The following PCDH15 variants were observed in gnomAD, a reference collection of about 807,000 sequenced individuals.
PCDH15 encodes the protein protocadherin-15.
Under a neutral mutation model 178.5 loss-of-function variants are expected in PCDH15, and 129 were observed. The ratio of observed to expected loss-of-function variants is 0.72; its 90% confidence interval spans 0.63 to 0.84. The LOEUF (loss-of-function observed/expected upper bound fraction) is 0.84, where lower values mean the gene tolerates loss of function less well. Among genes scored for constraint, PCDH15 ranks in the 40% least tolerant of loss-of-function variants. The probability of loss-of-function intolerance (pLI) is 0.00; values close to 1 mark genes in which losing one functional copy is unlikely to be tolerated. For missense variants in PCDH15, 2,230 were observed against 2,099.9 expected, an observed-to-expected ratio of 1.06 and a Z score of -1.21; for synonymous variants, 800 against 732.0, an observed-to-expected ratio of 1.09 and a Z score of -1.50.
At chr10:53,832,371 C>T (rs1204076523) in intron 29 of PCDH15, among the ~76,000 whole-genome samples, 2 of 151,828 alleles carry the variant, frequency 1.3e-5, no homozygotes, top group Non-Finnish European at 2.9e-5. Context: ...TAAACAATTC[C>T]TTGGGAACTT....
chr10:54,962,558 G>C (rs551848846), intron 2 of PCDH15, among the ~76,000 whole-genome samples: 35 of 152,096 alleles, frequency 2.3e-4, no homozygotes, highest in Non-Finnish European at 4.4e-4. Flanking sequence ...CAAGATTTTG[G>C]GTACCACAGT....
intron 1 of PCDH15, among the ~76,000 whole-genome samples, chr10:54,726,419 G>GGT (rs72051103): frequency 0.14 from 2,659 of 19,390 alleles, 76 homozygotes; most frequent in East Asian, 0.31. Context: ...ACCCATCAGG[G>GGT]GTGTGTGTGT....
intron 2 of PCDH15, among the ~76,000 whole-genome samples, chr10:54,578,474 A>G (rs926743506): frequency 1.4e-4 from 21 of 152,042 alleles, no homozygotes; most frequent in Admixed American, 1.4e-3. Context: ...TTTTGTAAGA[A>G]CTCATCTCCT....
chr10:54,210,392 G>A (rs889198384), intron 10 of PCDH15, among the ~76,000 whole-genome samples: 1 of 152,026 alleles, frequency 6.6e-6, no homozygotes, highest in Non-Finnish European at 1.5e-5. Context: ...GCTGTATATA[G>A]GTAGGTGTAG....
intron 3 of PCDH15, among the ~76,000 whole-genome samples, chr10:54,380,715 T>TTCTCC (rs10686924): frequency 3.6e-5 from 2 of 54,820 alleles, no homozygotes; most frequent in Non-Finnish European, 4.1e-5. Context: ...CATATATATA[T>TTCTCC]ATATATATAT....
At chr10:55,600,519 A>G (rs924685385) in intron 2 of PCDH15, among the ~76,000 whole-genome samples, 2 of 152,128 alleles carry the variant, frequency 1.3e-5, no homozygotes, top group African/African-American at 2.4e-5. Flanking sequence ...GTGCAATCCT[A>G]TTCTAGCATC....
chr10:54,305,135 T>A (rs545645290), intron 8 of PCDH15, among the ~76,000 whole-genome samples: 1 of 152,244 alleles, frequency 6.6e-6, no homozygotes, highest in East Asian at 1.9e-4. Context: ...GATGACCTCA[T>A]TGAATTCTAA....
intron 1 of PCDH15, among the ~76,000 whole-genome samples, chr10:54,781,022 T>C (rs186013482): frequency 1.3e-5 from 2 of 152,204 alleles, no homozygotes; most frequent in African/African-American, 2.4e-5. Context: ...ATGGAGAAGT[T>C]TATCTTGGAT....
intron 15 of PCDH15, among the ~76,000 whole-genome samples, chr10:54,108,140 C>T (rs1347841043): frequency 6.6e-6 from 1 of 152,124 alleles, no homozygotes; most frequent in African/African-American, 2.4e-5. Context: ...TAATCATCCC[C>T]TGAAACAAAC....
intron 2 of PCDH15, among the ~76,000 whole-genome samples, chr10:55,443,830 C>A (rs1158478556): frequency 6.6e-6 from 1 of 152,216 alleles, no homozygotes; most frequent in Non-Finnish European, 1.5e-5. Flanking sequence ...AAGACACATG[C>A]ACATGTATGT....
intron 3 of PCDH15, among the ~76,000 whole-genome samples, chr10:54,475,548 C>A (rs1165788234): frequency 6.6e-6 from 1 of 151,906 alleles, no homozygotes; most frequent in African/African-American, 2.4e-5. Flanking sequence ...CATGCTGGAC[C>A]TATACAGACC....
chr10:53,982,764 T>G (rs555954753), intron 21 of PCDH15, among the ~76,000 whole-genome samples: 41 of 151,820 alleles, frequency 2.7e-4, no homozygotes, highest in African/African-American at 9.4e-4. Context: ...GGCACATGTA[T>G]ACATATGTAA....
intron 20 of PCDH15, among the ~76,000 whole-genome samples, chr10:54,005,498 G>C (rs1435478233): frequency 6.6e-6 from 1 of 152,006 alleles, no homozygotes; most frequent in South Asian, 2.1e-4. Context: ...ATGGGCAAAA[G>C]TTCTAAACAA....
intron 7 of PCDH15, 77 bp from the exon 8 acceptor site, chr10:54,317,518 T>C: frequency 1.3e-6 from 2 of 1,547,166 alleles, no homozygotes; most frequent in Non-Finnish European, 8.9e-7. Flanking sequence ...CCCATACCTG[T>C]AATCCCAGAA....
At chr10:55,608,477 C>A (rs1280299558) in intron 2 of PCDH15, among the ~76,000 whole-genome samples, 2 of 151,598 alleles carry the variant, frequency 1.3e-5, no homozygotes. Context: ...GCAGATGAGA[C>A]TCTTCCTTGG....
intron 1 of PCDH15, among the ~76,000 whole-genome samples, chr10:54,678,805 A>G (rs1284570044): frequency 6.6e-6 from 1 of 152,206 alleles, no homozygotes; most frequent in East Asian, 1.9e-4. Flanking sequence ...AGGAAATAAT[A>G]ATGATACAAC....
intron 8 of PCDH15, among the ~76,000 whole-genome samples, chr10:54,246,967 T>C (rs1168611370): frequency 2.6e-5 from 4 of 151,966 alleles, no homozygotes; most frequent in Non-Finnish European, 5.9e-5. Context: ...TCCATATCTC[T>C]TGCCTATTTT....
At chr10:53,981,824 CT>C (rs2090667597) in intron 21 of PCDH15, among the ~76,000 whole-genome samples, 1 of 151,608 alleles carries the variant, frequency 6.6e-6, no homozygotes, top group Non-Finnish European at 1.5e-5. Context: ...CAAATGGGAT[CT>C]AATTAAACTC....
intron 25 of PCDH15, among the ~76,000 whole-genome samples, chr10:53,924,937 C>A (rs1039154668): frequency 1.7e-4 from 26 of 152,298 alleles, no homozygotes; most frequent in Admixed American, 3.3e-4. Flanking sequence ...ACTTTTGCGT[C>A]TAGCTCAGGG....
Sources: allele counts gnomAD v4.1 joint callset (sites outside exome capture counted in the v4.1 genomes callset), GRCh38; gene constraint gnomAD v4.1.1; transcripts MANE v1.5; gene names NCBI Gene and HGNC (gene_info 2026-07-23, HGNC 2026-07-21).